Variants in CDC20B observed in about 807,000 individuals in gnomAD.
CDC20B encodes the protein cell division cycle 20B.
A neutral mutation model predicts 64.1 loss-of-function variants in CDC20B; 58 were observed. The observed-to-expected ratio is 0.90, with a 90% confidence interval of 0.73 to 1.13. CDC20B has a LOEUF of 1.13. CDC20B is among the 50% of genes most tolerant of loss of function. The pLI, the probability that CDC20B is intolerant of heterozygous loss-of-function variation, is 0.00. For synonymous variants in CDC20B, 243 were observed against 230.6 expected (o/e 1.05, Z -0.49); for missense variants, 597 against 633.0 (o/e 0.94, Z 0.61).
At chr5:55,125,128 C>G in intron 8 of CDC20B, 100 bp from the exon 9 acceptor site, 1 of 870,078 alleles carries the variant, frequency 1.1e-6, no homozygotes, top group South Asian at 1.7e-5. Flanking sequence ...TGAAAGACCC[C>G]TAGGACAGAT....
intron 2 of CDC20B, among the ~76,000 whole-genome samples, chr5:55,159,614 G>A (rs866392633): frequency 6.6e-6 from 1 of 152,110 alleles, no homozygotes; most frequent in South Asian, 2.1e-4. Flanking sequence ...TATTCACTTG[G>A]TATTTGATTG....
At chr5:55,151,740 C>T (rs1018309052) in intron 2 of CDC20B, among the ~76,000 whole-genome samples, 2 of 152,156 alleles carry the variant, frequency 1.3e-5, no homozygotes, top group Non-Finnish European at 2.9e-5. Flanking sequence ...CAGGGTAAAT[C>T]CCAGCCACCT....
chr5:55,116,377 G>A (rs1742627098), intron 11 of CDC20B, among the ~76,000 whole-genome samples: 1 of 152,032 alleles, frequency 6.6e-6, no homozygotes, highest in African/African-American at 2.4e-5. Flanking sequence ...CTCCAGCCTG[G>A]GCAACATAGA....
chr5:55,168,788 T>C (rs6450295), intron 2 of CDC20B, among the ~76,000 whole-genome samples: 21,012 of 151,976 alleles, frequency 0.14, 1,658 homozygotes, highest in East Asian at 0.26. Flanking sequence ...CACATGGACA[T>C]GAAGATGGAA....
chr5:55,138,419 C>G (rs1441650438), intron 5 of CDC20B, among the ~76,000 whole-genome samples: 4 of 152,132 alleles, frequency 2.6e-5, no homozygotes, highest in Admixed American at 6.5e-5. Context: ...CTCGGCCTCC[C>G]AAAATGCTAA....
At chr5:55,145,213 T>C (rs905593819) in intron 3 of CDC20B, among the ~76,000 whole-genome samples, 3 of 152,210 alleles carry the variant, frequency 2.0e-5, no homozygotes, top group Admixed American at 1.3e-4. Flanking sequence ...TAACAATGTT[T>C]TTCACAACCC....
At chr5:55,159,192 C>A (rs899833336) in intron 2 of CDC20B, among the ~76,000 whole-genome samples, 4 of 152,020 alleles carry the variant, frequency 2.6e-5, no homozygotes, top group African/African-American at 7.3e-5. Context: ...AATTAAAATT[C>A]TTTTTTAGAG....
rs1742916923 is a variant in CDC20B at position 55,127,282 on chromosome 5, T to C, written c.964A>G (p.Ser322Gly). The C allele has an allele frequency of 1.9e-6, 3 of 1,614,094 alleles. No homozygotes were observed. Among genetic ancestry groups the C allele is most frequent in the African/African-American group, 1.3e-5 (1 of 75,052 alleles). Reference protein sequence around the residue: ...LGHLSVVGALSWNHFILSSGS... With the variant: ...LGHLSVVGALGWNHFILSSGS... ...CTGCTGAGGATAAAGTGATTCCAGC[T>C]CAGAGCCCCAACTACTGACAAATGA... The change falls in exon 8 of 12, where the codon AGC becomes GGC. Residue 322 changes from serine to glycine, a missense_variant. Ser to Gly is a moderately conservative substitution (Grantham distance 56). This residue lies in a region of CDC20B where 353 missense variants were observed against 397.0 expected (regional missense o/e 0.89). Coordinates refer to ENST00000381375, the MANE Select transcript of CDC20B (RefSeq NM_001170402.1).
At chr5:55,155,900 C>T (rs1743793955) in intron 2 of CDC20B, among the ~76,000 whole-genome samples, 1 of 152,160 alleles carries the variant, frequency 6.6e-6, no homozygotes, top group African/African-American at 2.4e-5. Context: ...CCATGCCTTC[C>T]CCTTTCTGGG....
intron 9 of CDC20B, among the ~76,000 whole-genome samples, chr5:55,123,529 T>A (rs28687802): frequency 0.2 from 30,376 of 152,116 alleles, 3,112 homozygotes; most frequent in South Asian, 0.3. Context: ...CTGCTCCACC[T>A]GTTGGTTAGC....
At chr5:55,138,165 TAA>T (rs33958487) in intron 5 of CDC20B, among the ~76,000 whole-genome samples, 4 of 141,358 alleles carry the variant, frequency 2.8e-5, no homozygotes, top group Non-Finnish European at 1.5e-5. Context: ...GATTTTGAGT[TAA>T]AAAAAAAAAA....
rs889611188 is a variant in CDC20B at position 55,162,594 on chromosome 5, C to T, written c.126+9994G>A. Among the ~76,000 whole-genome samples the T allele has an allele frequency of 3.9e-5, 6 of 152,208 alleles. No individual in the cohort carries two copies. The East Asian group carries it at 1.2e-3, about 29-fold the overall frequency. On this transcript the variant is annotated intron_variant, in intron 2 of 11. Coordinates refer to ENST00000381375, the MANE Select transcript of CDC20B (RefSeq NM_001170402.1). ...ATGTGAAGTCAGAATCTTCTAAAAA[C>T]ATTATATTTAATTTCTAGGGAAAGT...
chr5:55,123,405 T>A (rs550133279), intron 9 of CDC20B, among the ~76,000 whole-genome samples: 3 of 152,264 alleles, frequency 2.0e-5, no homozygotes, highest in African/African-American at 7.2e-5. Flanking sequence ...TTATTAATAA[T>A]CATTTTCTTA....
At chr5:55,116,413 G>C (rs1234119186) in intron 11 of CDC20B, among the ~76,000 whole-genome samples, 2 of 151,916 alleles carry the variant, frequency 1.3e-5, no homozygotes, top group South Asian at 2.1e-4. Context: ...AAAAAGAAGA[G>C]GATAAATATA....
Position 55,146,680 on chromosome 5 carries a change from T to C in CDC20B, c.303A>G (p.Glu101=). 1 of 1,614,148 alleles carries C rather than the reference T, an allele frequency of 6.2e-7. No individual in the cohort carries two copies. Among genetic ancestry groups the C allele is most frequent in the Non-Finnish European group, 8.5e-7 (1 of 1,180,020 alleles). Residue 101 remains glutamate, a synonymous_variant, in exon 3 of 12, where the codon GAA becomes GAG. Coordinates refer to ENST00000381375, the MANE Select transcript of CDC20B (RefSeq NM_001170402.1). The part of the protein sequence containing the change: ...GEEQSTTYLP[E]ASGSVLKTPP... ...GTGTCTTCAGCACTGATCCGGAAGC[T>C]TCTGGGAGGTAGGTGGTTGACTGCT...
At chr5:55,141,180 C>G (rs567918128) in intron 4 of CDC20B, among the ~76,000 whole-genome samples, 1 of 152,302 alleles carries the variant, frequency 6.6e-6, no homozygotes, top group African/African-American at 2.4e-5. Flanking sequence ...TCATCAACAG[C>G]TTTCTTACAC....
rs1471131779 is a variant in CDC20B, at chr5:55,173,014, CGCCCT to C, written c.-19_-15del. The C allele has an allele frequency of 6.2e-7, 1 of 1,607,764 alleles. No individual in the cohort carries two copies. The highest frequency in any genetic ancestry group is 8.5e-7 in the Non-Finnish European group (1 of 1,177,238). ...TTTCCACTCCATCTCCGGCTGACTT[CGCCCT>C]GCCTGGCGTTTGGCCTCTCTGCTCG... On this transcript the variant is annotated 5_prime_UTR_variant, in exon 1 of 12. Transcript: ENST00000381375.
At position 55,164,148 on chromosome 5, in the gene CDC20B, T is replaced by C. The variant is rs373420526; in HGVS notation, c.126+8440A>G. The C allele has an allele frequency of 3.6e-5, 57 of 1,604,702 alleles. No individual in the cohort carries two copies. In the African/African-American group the frequency reaches 5.1e-4, roughly 14 times the overall value. On this transcript the variant is annotated intron_variant, in intron 2 of 11. Coordinates refer to ENST00000381375, the MANE Select transcript of CDC20B (RefSeq NM_001170402.1). The stretch of plus-strand genomic sequence containing the variant: ...AAGTTCTGGAAGCCAGAGGAGCCCA[T>C]TGAAGTCATCAGGCCTGACATAGCA...
intron 6 of CDC20B, among the ~76,000 whole-genome samples, chr5:55,132,006 G>A (rs1004819853): frequency 1.3e-5 from 2 of 151,960 alleles, no homozygotes; most frequent in African/African-American, 4.8e-5. Flanking sequence ...GGAGGCGGAG[G>A]CTGCAGTGAG....
Sources: allele counts gnomAD v4.1 joint callset (sites outside exome capture counted in the v4.1 genomes callset), GRCh38; gene constraint gnomAD v4.1.1; regional missense constraint gnomAD v4.1.1; transcripts MANE v1.5; gene names NCBI Gene and HGNC (gene_info 2026-07-23, HGNC 2026-07-21).